Variants in COL10A1 observed in about 807,000 individuals in gnomAD.
COL10A1 encodes collagen alpha-1(X) chain.
A neutral mutation model predicts 18.2 loss-of-function variants in COL10A1; 10 were observed. The observed-to-expected ratio is 0.55, with a 90% CI of 0.34 to 0.93. The LOEUF (loss-of-function observed/expected upper bound fraction) is 0.93. Among genes scored for constraint, COL10A1 ranks in the 40% least tolerant of loss-of-function variants. COL10A1 has a pLI of 0.02. For synonymous variants in COL10A1, 330 were observed against 316.6 expected (o/e 1.04, Z -0.45); for missense variants, 897 against 853.5 (o/e 1.05, Z -0.64).
chr6:116,199,997 A>AGC, the COL10A1 span, among the ~76,000 whole-genome samples: 4,297 of 119,588 alleles, frequency 0.036, 244 homozygotes, highest in African/African-American at 0.11. Flanking sequence ...CAGTATGGAA[A>AGC]GTGGGGGGGG....
the COL10A1 span, among the ~76,000 whole-genome samples, chr6:116,174,547 C>T: frequency 6.6e-6 from 1 of 152,230 alleles, no homozygotes; most frequent in South Asian, 2.1e-4. Context: ...TAAAATATTT[C>T]CTATTCGTGT....
At chr6:116,178,052 A>AGTGTGTGTGTGTGTGT in the COL10A1 span, among the ~76,000 whole-genome samples, 85 of 136,412 alleles carry the variant, frequency 6.2e-4, 1 homozygote, top group African/African-American at 2.0e-3. Context: ...CAAAGAGGAA[A>AGTGTGTGTGTGTGTGT]GTGTGTGTGT....
intron 2 of COL10A1, among the ~76,000 whole-genome samples, chr6:116,124,461 C>T (rs1169731300): frequency 6.6e-6 from 1 of 152,010 alleles, no homozygotes; most frequent in East Asian, 1.9e-4. Context: ...CAGTAATCTT[C>T]AAAGAGTAAC....
At chr6:116,164,746 G>A in the COL10A1 span, among the ~76,000 whole-genome samples, 4 of 151,988 alleles carry the variant, frequency 2.6e-5, no homozygotes, top group Non-Finnish European at 5.9e-5. Context: ...TGGTGTACTG[G>A]TCTAGTGGTG....
At chr6:116,199,941 T>C in the COL10A1 span, among the ~76,000 whole-genome samples, 3 of 150,052 alleles carry the variant, frequency 2.0e-5, no homozygotes, top group African/African-American at 7.5e-5. Context: ...CATGAATTTT[T>C]ACTCCTTAAG....
intron 1 of COL10A1, among the ~76,000 whole-genome samples, chr6:116,146,297 TGTACTTTTTGAGTAGGTGGC>T (rs1779896247): frequency 6.6e-6 from 1 of 152,208 alleles, no homozygotes; most frequent in African/African-American, 2.4e-5. Context: ...AAGGTGGCTA[TGTACTTTTTGAGTAGGTGGC>T]GTCAACCTGT....
chr6:116,161,061 AATC>A (rs899893751), upstream of COL10A1, among the ~76,000 whole-genome samples: 1 of 151,880 alleles, frequency 6.6e-6, no homozygotes, highest in African/African-American at 2.4e-5. Flanking sequence ...TGAAATTGGA[AATC>A]ATCATTCTCA....
At chr6:116,198,553 GAC>G in the COL10A1 span, among the ~76,000 whole-genome samples, 2 of 151,690 alleles carry the variant, frequency 1.3e-5, no homozygotes, top group African/African-American at 4.8e-5. Flanking sequence ...AGCATAATGA[GAC>G]CTCATCCCTA....
chr6:116,194,675 T>A, the COL10A1 span, among the ~76,000 whole-genome samples: 7 of 152,192 alleles, frequency 4.6e-5, no homozygotes, highest in Admixed American at 3.9e-4. Context: ...AGATGTTGTT[T>A]ATGGCTTATG....
At chr6:116,123,737 G>A (rs933308466) in intron 2 of COL10A1, among the ~76,000 whole-genome samples, 2 of 152,186 alleles carry the variant, frequency 1.3e-5, no homozygotes, top group South Asian at 2.1e-4. Flanking sequence ...TCTAAAAAGA[G>A]ACTAAGGTGG....
the COL10A1 span, among the ~76,000 whole-genome samples, chr6:116,203,163 A>G: frequency 3.3e-5 from 5 of 152,116 alleles, no homozygotes; most frequent in Middle Eastern, 3.4e-3. Flanking sequence ...TTTCTATACT[A>G]AACAGTTTTA....
intron 1 of COL10A1, among the ~76,000 whole-genome samples, chr6:116,157,779 C>T (rs183277871): frequency 1.4e-4 from 21 of 152,234 alleles, no homozygotes; most frequent in Admixed American, 5.2e-4. Flanking sequence ...CAGACTCTAA[C>T]GGGGAAATCA....
intron 1 of COL10A1, among the ~76,000 whole-genome samples, chr6:116,139,416 T>A (rs917084308): frequency 6.6e-6 from 1 of 152,184 alleles, no homozygotes; most frequent in African/African-American, 2.4e-5. Context: ...AACAATTGTA[T>A]TTGAAATCCA....
chr6:116,174,867 A>C, the COL10A1 span, among the ~76,000 whole-genome samples: 2 of 152,180 alleles, frequency 1.3e-5, no homozygotes, highest in African/African-American at 4.8e-5. Context: ...CAAACACTAC[A>C]TAAGCCATTT....
At chr6:116,187,079 C>T in the COL10A1 span, among the ~76,000 whole-genome samples, 2 of 152,064 alleles carry the variant, frequency 1.3e-5, no homozygotes, top group African/African-American at 2.4e-5. Flanking sequence ...GTGTTCTCCC[C>T]TTTCCCCTAG....
chr6:116,125,439 T>TC lies in COL10A1; in HGVS notation c.53dup (p.Val19SerfsTer5). 6.2e-7 allele frequency: 1 copy of TC among 1,613,888 alleles called. No homozygotes were observed. The highest frequency in any genetic ancestry group is 1.7e-4 in the Middle Eastern group (1 of 6,058). On this transcript the variant is annotated frameshift_variant, in exon 2 of 3. Coordinates refer to ENST00000651968, the MANE Select transcript of COL10A1 (RefSeq NM_000493.4). LOFTEE classifies it high-confidence loss of function. ...TTTGGTATCGTTCAGCGTAAAACACTCCATGAACCAAGTTCAAGGATACTA... is the reference window on the plus strand; with the variant it reads ...TTTGGTATCGTTCAGCGTAAAACACTCCCATGAACCAAGTTCAAGGATACTA...
upstream of COL10A1, among the ~76,000 whole-genome samples, chr6:116,126,778 A>G (rs934424505): frequency 1.3e-5 from 2 of 152,186 alleles, no homozygotes; most frequent in African/African-American, 4.8e-5. Flanking sequence ...TGATAATCTC[A>G]TATTATGTTA....
At chr6:116,167,206 A>ATTTTTTTTTT in the COL10A1 span, among the ~76,000 whole-genome samples, 1 of 87,796 alleles carries the variant, frequency 1.1e-5, no homozygotes, top group Non-Finnish European at 2.1e-5. Flanking sequence ...CAAATAGAAG[A>ATTTTTTTTTT]TTTTTTTTTT....
chr6:116,164,401 G>A, the COL10A1 span, among the ~76,000 whole-genome samples: 2 of 152,014 alleles, frequency 1.3e-5, no homozygotes, highest in African/African-American at 4.8e-5. Context: ...CATAAGAATA[G>A]CAACCCCTGG....
Sources: gnomAD v4.1 joint callset for allele counts (sites outside exome capture counted in the v4.1 genomes callset) on GRCh38, gnomAD v4.1.1 for gene constraint, MANE v1.5 for transcripts, NCBI Gene and HGNC (gene_info 2026-07-23, HGNC 2026-07-21) for gene names.